Variants in ERBB4 observed in about 807,000 individuals in gnomAD.
ERBB4 encodes the protein erb-b2 receptor tyrosine kinase 4.
In ERBB4, 42 loss-of-function variants were observed where a neutral mutation model predicts 158.0. That is an observed-to-expected ratio of 0.27 (90% CI 0.21 to 0.34). The LOEUF is 0.34. ERBB4 is among the 10% of genes least tolerant of loss of function. ERBB4 has a pLI of 1.00. For synonymous variants in ERBB4, 583 were observed against 558.7 expected, an observed-to-expected ratio of 1.04 and a Z score of -0.61; for missense variants, 1,333 against 1,624.1, an observed-to-expected ratio of 0.82 and a Z score of 3.08.
chr2:212,255,452 C>A (rs1216903527), intron 1 of ERBB4, among the ~76,000 whole-genome samples: 1 of 151,982 alleles, frequency 6.6e-6, no homozygotes, highest in Non-Finnish European at 1.5e-5. Flanking sequence ...AAAGAGAAAC[C>A]CAGGGCAAAT....
At chr2:211,615,447 G>A (rs372306628) in intron 19 of ERBB4, among the ~76,000 whole-genome samples, 39 of 151,878 alleles carry the variant, frequency 2.6e-4, no homozygotes, top group African/African-American at 7.7e-4. Flanking sequence ...ATGAAGGTGC[G>A]CCTTTAGAGT....
chr2:212,210,625 A>G (rs999050434), intron 1 of ERBB4, among the ~76,000 whole-genome samples: 5 of 152,152 alleles, frequency 3.3e-5, no homozygotes, highest in African/African-American at 1.2e-4. Flanking sequence ...ATTATTAATT[A>G]TTACTGATTA....
chr2:212,206,642 A>C (rs1272525148), intron 1 of ERBB4, among the ~76,000 whole-genome samples: 3 of 137,102 alleles, frequency 2.2e-5, no homozygotes, highest in African/African-American at 8.7e-5. Flanking sequence ...GGCCAACTGC[A>C]GTGGTGCTAT....
rs560474424 is a variant in ERBB4 at position 211,892,981 on chromosome 2, C to G, written c.421+54449G>C. Among the ~76,000 whole-genome samples the G allele has an allele frequency of 7.4e-3, 1,083 of 146,706 alleles. 17 individuals carry two copies. Among genetic ancestry groups the G allele is most frequent in the African/African-American group, 0.027 (1,027 of 37,862 alleles). ...AATCAATATCGTGAAAATGGCCATACTGCCCAAGGTAATTTACAGATTCAA... is the reference window on the plus strand; with the variant it reads ...AATCAATATCGTGAAAATGGCCATAGTGCCCAAGGTAATTTACAGATTCAA... On this transcript the variant is annotated intron_variant, in intron 3 of 27. Transcript: ENST00000342788.
chr2:212,129,680 T>C (rs572253726), intron 1 of ERBB4, among the ~76,000 whole-genome samples: 1 of 152,146 alleles, frequency 6.6e-6, no homozygotes, highest in East Asian at 1.9e-4. Flanking sequence ...AAGTTTTGTA[T>C]ATACCTTCTT....
chr2:211,798,583 T>C (rs1259885434), intron 3 of ERBB4, among the ~76,000 whole-genome samples: 2 of 152,130 alleles, frequency 1.3e-5, no homozygotes, highest in Non-Finnish European at 2.9e-5. Flanking sequence ...CAAAAGGTAC[T>C]AGCTATTTCA....
At chr2:212,043,417 C>T (rs1450998763) in intron 2 of ERBB4, among the ~76,000 whole-genome samples, 3 of 152,070 alleles carry the variant, frequency 2.0e-5, no homozygotes, top group Non-Finnish European at 4.4e-5. Flanking sequence ...ATGAGAATCT[C>T]TCTGTAGAGC....
chr2:212,468,789 C>T (rs577646532), intron 1 of ERBB4, among the ~76,000 whole-genome samples: 1 of 152,212 alleles, frequency 6.6e-6, no homozygotes, highest in African/African-American at 2.4e-5. Flanking sequence ...ACTGTCAGTT[C>T]AAAGGAGAAT....
chr2:212,209,669 G>T lies in ERBB4; in HGVS notation c.83-84766C>A, dbSNP rs12471313. Among the ~76,000 whole-genome samples, 519 of 152,084 alleles carry T rather than the reference G, an allele frequency of 3.4e-3. 14 individuals are homozygous for T. The highest frequency in any genetic ancestry group is 0.033 in the Admixed American group (498 of 15,244). The stretch of plus-strand genomic sequence containing the variant: ...TTAGAGTGACTACATTTGGAGACAG[G>T]GTCCATAAGGAGGGAATTAAGATTA... On this transcript the variant is annotated intron_variant, in intron 1 of 27. Coordinates refer to ENST00000342788, the MANE Select transcript of ERBB4 (RefSeq NM_005235.3).
At chr2:212,488,544 C>T (rs113406960) in intron 1 of ERBB4, among the ~76,000 whole-genome samples, 1,746 of 152,092 alleles carry the variant, frequency 0.011, 15 homozygotes, top group Middle Eastern at 0.037. Flanking sequence ...TACTTCAAGG[C>T]ACCCTAGCAA....
At chr2:211,852,421 A>G (rs917915319) in intron 3 of ERBB4, among the ~76,000 whole-genome samples, 1 of 151,866 alleles carries the variant, frequency 6.6e-6, no homozygotes, top group Admixed American at 6.6e-5. Context: ...TTTATTTGGG[A>G]GAAGGGTTTG....
Position 212,071,014 on chromosome 2 carries a change from C to T in ERBB4, c.234+53738G>A, listed in dbSNP as rs182046303. Reference sequence around the variant, plus strand: ...TAAATGATAGACAAAGTAACAACAACAATTCAGTATCGTAATTTGACTCTG... The same window carrying T: ...TAAATGATAGACAAAGTAACAACAATAATTCAGTATCGTAATTTGACTCTG... On this transcript the variant is annotated intron_variant, in intron 2 of 27. Transcript: ENST00000342788. Among the ~76,000 whole-genome samples, 226 of 151,912 alleles carry T rather than the reference C, an allele frequency of 1.5e-3. 1 individual carries two copies. Among genetic ancestry groups the T allele is most frequent in the African/African-American group, 5.2e-3 (216 of 41,476 alleles).
chr2:212,356,350 T>G (rs539163492), intron 1 of ERBB4, among the ~76,000 whole-genome samples: 1 of 152,098 alleles, frequency 6.6e-6, no homozygotes, highest in African/African-American at 2.4e-5. Flanking sequence ...GCAGAGCCAA[T>G]GGGTCTGTCT....
rs2106209329 is a variant in ERBB4, at chr2:211,750,676, G to A, written c.585C>T (p.Gly195=). The change falls in exon 5 of 28, where the codon GGC becomes GGT. Residue 195 remains glycine, a synonymous_variant. Transcript: ENST00000342788. ...GATTTTCTGTGGGTCCCCAGCAACG[G>A]CCAGTACAGGACTTATGGCAACGTC... is the stretch of plus-strand genomic sequence containing the variant. The part of the protein sequence containing the change: ...GCGRCHKSCT[G]RCWGPTENHC... 2 of 1,613,926 alleles carry A rather than the reference G, an allele frequency of 1.2e-6. No individual in the cohort carries two copies. The highest frequency in any genetic ancestry group is 1.7e-6 in the Non-Finnish European group (2 of 1,179,888).
intron 2 of ERBB4, among the ~76,000 whole-genome samples, chr2:212,017,008 T>C (rs1030688138): frequency 9.9e-5 from 15 of 152,120 alleles, no homozygotes; most frequent in Non-Finnish European, 1.9e-4. Flanking sequence ...ATTTTTAAAA[T>C]GTCACTAAAA....
rs185453843 is a variant in ERBB4, at chr2:211,621,608, T to C, written c.2202+2314A>G. 1.4e-4 allele frequency among the ~76,000 whole-genome samples: 21 copies of C among 152,310 alleles called. No homozygotes were observed. The East Asian group carries it at 4.0e-3, about 29-fold the overall frequency. The stretch of plus-strand genomic sequence containing the variant: ...TTTCTCTGCTGAGGACATTAGATAG[T>C]GTTTAGTCTTGAGTTATAGGGTATC... On this transcript the variant is annotated intron_variant, in intron 18 of 27. Transcript: ENST00000342788.
At chr2:211,497,136 T>C (rs536590810) in intron 20 of ERBB4, among the ~76,000 whole-genome samples, 13 of 152,194 alleles carry the variant, frequency 8.5e-5, no homozygotes, top group African/African-American at 3.1e-4. Context: ...ATAATATAAA[T>C]GTTGTTATAA....
chr2:212,256,060 C>T (rs1047636457), intron 1 of ERBB4, among the ~76,000 whole-genome samples: 13 of 150,950 alleles, frequency 8.6e-5, no homozygotes, highest in African/African-American at 3.2e-4. Flanking sequence ...TCTTGAACTC[C>T]TGGTGTCAAG....
chr2:211,455,381 C>A (rs1279173944), intron 20 of ERBB4, among the ~76,000 whole-genome samples: 1 of 152,122 alleles, frequency 6.6e-6, no homozygotes, highest in Admixed American at 6.6e-5. Context: ...CATGAGTTGC[C>A]AGGGACAATG....
Sources: gnomAD v4.1 joint callset for allele counts (sites outside exome capture counted in the v4.1 genomes callset) on GRCh38, gnomAD v4.1.1 for gene constraint, MANE v1.5 for transcripts, NCBI Gene and HGNC (gene_info 2026-07-23, HGNC 2026-07-21) for gene names.